The following DNAJC6 variants were observed in gnomAD, a reference collection of about 807,000 sequenced individuals.
DNAJC6 encodes the protein auxilin.
DNAJC6 carries 34 observed loss-of-function variants against 110.0 expected under a neutral mutation model. The observed-to-expected ratio is 0.31, with a 90% CI of 0.24 to 0.41. The LOEUF (loss-of-function observed/expected upper bound fraction) is 0.41, where lower values mean the gene tolerates loss of function less well. Among genes scored for constraint, DNAJC6 ranks in the 10% least tolerant of loss-of-function variants. The pLI is 1.00. For synonymous variants in DNAJC6, 406 were observed against 437.2 expected, an observed-to-expected ratio of 0.93 and a Z score of 0.89; for missense variants, 1,031 against 1,207.8, an observed-to-expected ratio of 0.85 and a Z score of 2.17.
rs552908740 is a variant in DNAJC6 at position 65,351,986 on chromosome 1, G to A, written c.194-12649G>A. Among the ~76,000 whole-genome samples the A allele has an allele frequency of 2.0e-5, 3 of 152,192 alleles. No individual in the cohort carries two copies. The East Asian group carries it at 5.8e-4, about 29-fold the overall frequency. On this transcript the variant is annotated intron_variant, in intron 1 of 18. Transcript: ENST00000371069. ...TCACCATGTTGGCCAGGCTGGTCTT[G>A]AACTCCTGACTTCAGGTGATCCACC...
Position 65,408,592 on chromosome 1 carries a change from T to C in DNAJC6, c.2492-49T>C, listed in dbSNP as rs777614968. On this transcript the variant is annotated intron_variant, in intron 16 of 18. Coordinates refer to ENST00000371069, the MANE Select transcript of DNAJC6 (RefSeq NM_001256864.2). ...GATGCTGTGAGATAATGATACAGCA[T>C]TATGTTTAAGAATGAAAACTGTAAT... 6 of 1,586,046 alleles carry C rather than the reference T, an allele frequency of 3.8e-6. No individual in the cohort carries two copies. The Admixed American group carries it at 1.1e-4, about 30-fold the overall frequency.
rs140785854 is a variant in DNAJC6, at chr1:65,303,049, G to A, written c.-131+38117G>A. 6.2e-3 allele frequency among the ~76,000 whole-genome samples: 946 copies of A among 152,316 alleles called. 13 individuals carry two copies. Among genetic ancestry groups the A allele is most frequent in the African/African-American group, 0.022 (918 of 41,570 alleles). ...TAAGGCAAACGTTGTTATACTATGA[G>A]CATGTCCTTGAAAAGTCAAGGATAA... On this transcript the variant is annotated intron_variant, in intron 1 of 19. Coordinates refer to the DNAJC6 transcript ENST00000263441.
intron 1 of DNAJC6, among the ~76,000 whole-genome samples, chr1:65,267,840 A>C (rs1360112792): frequency 6.6e-6 from 1 of 151,522 alleles, no homozygotes; most frequent in Non-Finnish European, 1.5e-5. Flanking sequence ...CTGCTGGGAG[A>C]TGGGTATGTG....
At chr1:65,346,004 T>C (rs1029732123) in intron 1 of DNAJC6, among the ~76,000 whole-genome samples, 55 of 152,194 alleles carry the variant, frequency 3.6e-4, no homozygotes, top group Non-Finnish European at 4.1e-4. Context: ...GCAGGTTCTC[T>C]TTGTACTTAG....
At chr1:65,347,009 C>T (rs1284137939) in intron 1 of DNAJC6, among the ~76,000 whole-genome samples, 1 of 152,070 alleles carries the variant, frequency 6.6e-6, no homozygotes, top group African/African-American at 2.4e-5. Flanking sequence ...TATAATACTT[C>T]TTGGTGTGTC....
intron 1 of DNAJC6, among the ~76,000 whole-genome samples, chr1:65,351,886 T>C (rs1453937432): frequency 3.5e-4 from 53 of 152,260 alleles, no homozygotes; most frequent in Non-Finnish European, 7.4e-5. Context: ...TGCTTCAGCC[T>C]CCCAAGTAGC....
chr1:65,349,009 AG>A (rs1405822111), intron 1 of DNAJC6, among the ~76,000 whole-genome samples: 10 of 145,016 alleles, frequency 6.9e-5, no homozygotes, highest in Non-Finnish European at 1.4e-4. Flanking sequence ...AATATATATA[AG>A]TATATGTGAA....
At chr1:65,380,916 G>GT (rs796797174) in intron 5 of DNAJC6, among the ~76,000 whole-genome samples, 34,972 of 90,568 alleles carry the variant, frequency 0.39, 6,256 homozygotes, top group East Asian at 0.54. Context: ...TTTTTGTTTT[G>GT]TTTTGTTTTT....
intron 17 of DNAJC6, among the ~76,000 whole-genome samples, chr1:65,409,575 T>C (rs1646109330): frequency 6.6e-6 from 1 of 152,204 alleles, no homozygotes; most frequent in South Asian, 2.1e-4. Context: ...TTGAGAGCTT[T>C]TTTATTAAAC....
intron 5 of DNAJC6, 187 bp downstream of exon 5, chr1:65,379,711 A>G: frequency 1.2e-6 from 1 of 821,958 alleles, no homozygotes; most frequent in Middle Eastern, 4.0e-4. Flanking sequence ...AAGCTTGACT[A>G]CTAGTGGGAA....
chr1:65,327,844 A>G, intron 1 of DNAJC6, among the ~76,000 whole-genome samples: 1 of 152,180 alleles, frequency 6.6e-6, no homozygotes, highest in South Asian at 2.1e-4. Flanking sequence ...ATAGAAAACT[A>G]AGATATGCCT....
chr1:65,322,208 C>T lies in DNAJC6; in HGVS notation c.193+12270C>T, dbSNP rs181958534. Among the ~76,000 whole-genome samples, 602 of 152,216 alleles carry T rather than the reference C, an allele frequency of 4.0e-3. 15 individuals carry two copies. Among genetic ancestry groups the T allele is most frequent in the Non-Finnish European group, 1.3e-3 (90 of 68,014 alleles). The stretch of plus-strand genomic sequence containing the variant: ...TGCATGAAAGCCAGGCCTCTTGGCT[C>T]TTAAAAATTAACCCCCCCAAACCTA... On this transcript the variant is annotated intron_variant, in intron 1 of 18. Transcript: ENST00000371069.
In DNAJC6 at chr1:65,368,469, A is replaced by G. The variant is rs558045928; in HGVS notation, c.543+2273A>G. 1.4e-3 allele frequency among the ~76,000 whole-genome samples: 219 copies of G among 151,928 alleles called. 2 individuals are homozygous for G. Among genetic ancestry groups the G allele is most frequent in the South Asian group, 8.1e-3 (39 of 4,802 alleles). On this transcript the variant is annotated intron_variant, in intron 4 of 18. Transcript: ENST00000371069. The stretch of plus-strand genomic sequence containing the variant: ...CTCCCTTAAAAGCTACCCATGTCAC[A>G]CACCCTTCGTCTCCTTCCTTCCTTC...
rs1644988539 is a variant in DNAJC6 at position 65,302,117 on chromosome 1, TATATATAAAAAA to T, written c.-131+37186_-131+37197del. 2.9e-5 allele frequency among the ~76,000 whole-genome samples: 4 copies of T among 138,426 alleles called. No homozygotes were observed. In the South Asian group the frequency reaches 8.7e-4, roughly 30 times the overall value. The allele number at this position is 138,426 out of a possible 152,430, so 90.8% of individuals were successfully genotyped here. A position where few individuals can be genotyped will look rare whatever the true frequency, so the allele number is the denominator to read the frequency against. ...ATATATATAATATATAATATATATA[TATATATAAAAAA>T]TATATATAATACGTATTATATATAT... On this transcript the variant is annotated intron_variant, in intron 1 of 19. Transcript: ENST00000263441.
At chr1:65,284,525 G>A (rs988940753) in intron 1 of DNAJC6, among the ~76,000 whole-genome samples, 7 of 152,060 alleles carry the variant, frequency 4.6e-5, no homozygotes, top group African/African-American at 1.7e-4. Context: ...TTTGCAGGGC[G>A]GAGAGTCTCT....
intron 1 of DNAJC6, among the ~76,000 whole-genome samples, chr1:65,359,079 A>G (rs1645574640): frequency 6.6e-6 from 1 of 152,204 alleles, no homozygotes; most frequent in Non-Finnish European, 1.5e-5. Context: ...ACACTTTTTT[A>G]TATTTTCAGT....
chr1:65,375,542 C>G (rs1325439215), intron 4 of DNAJC6, among the ~76,000 whole-genome samples: 1 of 151,996 alleles, frequency 6.6e-6, no homozygotes, highest in Non-Finnish European at 1.5e-5. Context: ...TCTTCTGCGT[C>G]AGCCTCCCGA....
At chr1:65,393,806 A>G (rs1166220619) in intron 12 of DNAJC6, among the ~76,000 whole-genome samples, 1 of 152,156 alleles carries the variant, frequency 6.6e-6, no homozygotes, top group Non-Finnish European at 1.5e-5. Context: ...ATAGTATCCT[A>G]TAGGAACATT....
At chr1:65,270,934 C>T (rs1192139997) in intron 1 of DNAJC6, among the ~76,000 whole-genome samples, 1 of 152,132 alleles carries the variant, frequency 6.6e-6, no homozygotes, top group African/African-American at 2.4e-5. Context: ...CACCTTTGGC[C>T]TCCCAAAGTG....
Sources: allele counts gnomAD v4.1 joint callset (sites outside exome capture counted in the v4.1 genomes callset), GRCh38; gene constraint gnomAD v4.1.1; transcripts MANE v1.5; gene names NCBI Gene and HGNC (gene_info 2026-07-23, HGNC 2026-07-21).